Variants in IL12RB2 observed in about 807,000 individuals in gnomAD.
IL12RB2 encodes interleukin 12 receptor subunit beta 2, also known as interleukin-12 receptor subunit beta-2.
In IL12RB2, 82 loss-of-function variants were observed where a neutral mutation model predicts 89.4. That is an observed-to-expected ratio of 0.92 (90% CI 0.77 to 1.10). The LOEUF (loss-of-function observed/expected upper bound fraction) is 1.10. Ranked by LOEUF, IL12RB2 falls within the 50% of genes least tolerant of loss-of-function variation. The pLI, the probability that IL12RB2 is intolerant of heterozygous loss-of-function variation, is 0.00. For synonymous variants in IL12RB2, 368 were observed against 370.1 expected, an observed-to-expected ratio of 0.99 and a Z score of 0.07; for missense variants, 963 against 1,031.9, an observed-to-expected ratio of 0.93 and a Z score of 0.92.
intron 9 of IL12RB2, among the ~76,000 whole-genome samples, chr1:67,340,097 C>T (rs1047063946): frequency 6.6e-6 from 1 of 152,130 alleles, no homozygotes; most frequent in African/African-American, 2.4e-5. Flanking sequence ...GATCATTGCA[C>T]ACTTCTTCAG....
intron 14 of IL12RB2, among the ~76,000 whole-genome samples, chr1:67,385,355 C>T (rs1243531509): frequency 6.6e-6 from 1 of 152,144 alleles, no homozygotes; most frequent in Non-Finnish European, 1.5e-5. Flanking sequence ...GTGAGAACTC[C>T]CTCATAGCAT....
chr1:67,333,979 G>A (rs1184089361), intron 8 of IL12RB2, among the ~76,000 whole-genome samples: 1 of 152,172 alleles, frequency 6.6e-6, no homozygotes, highest in African/African-American at 2.4e-5. Context: ...CTCTATTACA[G>A]CTAACAAAGG....
At chr1:67,362,482 C>G (rs529867365) in intron 10 of IL12RB2, among the ~76,000 whole-genome samples, 3 of 145,430 alleles carry the variant, frequency 2.1e-5, no homozygotes, top group Non-Finnish European at 4.5e-5. Context: ...AGGAGAATGG[C>G]GTGAACCCGG....
chr1:67,314,232 G>A lies in IL12RB2; in HGVS notation c.-37+232G>A, dbSNP rs17129751. 7.2e-3 allele frequency among the ~76,000 whole-genome samples: 1,093 copies of A among 152,218 alleles called. 12 individuals carry two copies. The highest frequency in any genetic ancestry group is 0.025 in the African/African-American group (1,027 of 41,536). ...GCTCCTTCCTCCCCTGACTTTTTAAGTTCTTTGATGGTCTTAGGAATTAAG... is the reference window on the plus strand; with the variant it reads ...GCTCCTTCCTCCCCTGACTTTTTAAATTCTTTGATGGTCTTAGGAATTAAG... On this transcript the variant is annotated intron_variant, in intron 2 of 16. Coordinates refer to ENST00000674203, the MANE Select transcript of IL12RB2 (RefSeq NM_001374259.2).
At chr1:67,347,319 T>C (rs1449983659) in intron 9 of IL12RB2, among the ~76,000 whole-genome samples, 2 of 152,096 alleles carry the variant, frequency 1.3e-5, no homozygotes, top group Non-Finnish European at 2.9e-5. Context: ...TTTTTCTTTA[T>C]TATTTGCATC....
At chr1:67,333,379 T>C (rs1360696053) in intron 8 of IL12RB2, among the ~76,000 whole-genome samples, 1 of 150,968 alleles carries the variant, frequency 6.6e-6, no homozygotes, top group East Asian at 1.9e-4. Context: ...TAAAAAAAAT[T>C]AATAGTAAGC....
At chr1:67,392,726 G>T (rs1207012377) in intron 16 of IL12RB2, among the ~76,000 whole-genome samples, 2 of 144,790 alleles carry the variant, frequency 1.4e-5, no homozygotes, top group Non-Finnish European at 3.0e-5. Flanking sequence ...CGCCTCCTGG[G>T]TTCACACCAT....
At chr1:67,384,007 G>A (rs972371234) in intron 14 of IL12RB2, among the ~76,000 whole-genome samples, 5 of 152,206 alleles carry the variant, frequency 3.3e-5, no homozygotes, top group African/African-American at 9.7e-5. Flanking sequence ...GCTTTTCCAG[G>A]TGCATGGTGC....
intron 2 of IL12RB2, among the ~76,000 whole-genome samples, chr1:67,315,647 GA>G (rs1655666429): frequency 6.6e-6 from 1 of 152,122 alleles, no homozygotes; most frequent in South Asian, 2.1e-4. Flanking sequence ...TGGGAGACAT[GA>G]AAAAATGAAG....
chr1:67,346,373 TGTC>T (rs1660225151), intron 9 of IL12RB2, among the ~76,000 whole-genome samples: 2 of 125,612 alleles, frequency 1.6e-5, no homozygotes, highest in African/African-American at 6.2e-5. Flanking sequence ...AGGTGAGGGT[TGTC>T]TATTTTTTTT....
At position 67,372,500 on chromosome 1, in the gene IL12RB2, A is replaced by C; in HGVS notation, c.1524A>C (p.Gly508=). 2 of 1,604,810 alleles carry C rather than the reference A, an allele frequency of 1.2e-6. No homozygotes were observed. The highest frequency in any genetic ancestry group is 1.7e-6 in the Non-Finnish European group (2 of 1,171,430). The part of the protein sequence containing the change: ...RVYALSGDQG[G]CSSILGNSKH... ...ATGCACTCTCAGGGGATCAAGGAGG[A>C]TGCAGCTCCATCCTGGGTAACTCTA... Residue 508 remains glycine, a synonymous_variant, in exon 12 of 17, where the codon GGA becomes GGC. Coordinates refer to ENST00000674203, the MANE Select transcript of IL12RB2 (RefSeq NM_001374259.2).
intron 10 of IL12RB2, among the ~76,000 whole-genome samples, chr1:67,359,598 C>T (rs535119612): frequency 2.0e-5 from 3 of 152,016 alleles, no homozygotes; most frequent in African/African-American, 7.2e-5. Flanking sequence ...GGCATATGCC[C>T]TTAATCTCAG....
chr1:67,371,220 G>A (rs1242060802), intron 11 of IL12RB2, among the ~76,000 whole-genome samples: 1 of 152,092 alleles, frequency 6.6e-6, no homozygotes, highest in Non-Finnish European at 1.5e-5. Context: ...TCTCCACTTC[G>A]CTTAGTTCAT....
chr1:67,320,043 T>C (rs984297571), intron 2 of IL12RB2, among the ~76,000 whole-genome samples: 1 of 152,160 alleles, frequency 6.6e-6, no homozygotes, highest in South Asian at 2.1e-4. Flanking sequence ...TTCTGATGTT[T>C]ATTACCTACC....
At chr1:67,362,589 A>AG (rs1266086876) in intron 10 of IL12RB2, among the ~76,000 whole-genome samples, 2 of 149,146 alleles carry the variant, frequency 1.3e-5, no homozygotes, top group Admixed American at 6.7e-5. Context: ...AAAAAAAAAA[A>AG]AAAGAAAAAG....
intron 16 of IL12RB2, among the ~76,000 whole-genome samples, chr1:67,394,480 A>G (rs539971446): frequency 6.6e-6 from 1 of 152,290 alleles, no homozygotes; most frequent in African/African-American, 2.4e-5. Context: ...AATAAGTGAG[A>G]GAATTAATTA....
At chr1:67,382,664 T>C (rs76330935) in intron 14 of IL12RB2, among the ~76,000 whole-genome samples, 4 of 151,842 alleles carry the variant, frequency 2.6e-5, no homozygotes, top group Non-Finnish European at 5.9e-5. Context: ...CTTCCTTTGT[T>C]AGCTTATCCA....
At chr1:67,338,958 C>T (rs1173680899) in intron 9 of IL12RB2, among the ~76,000 whole-genome samples, 1 of 152,116 alleles carries the variant, frequency 6.6e-6, no homozygotes, top group African/African-American at 2.4e-5. Flanking sequence ...GCATTTCCAC[C>T]CTCTGACCCC....
intron 4 of IL12RB2, among the ~76,000 whole-genome samples, 194 bp from the exon 5 acceptor site, chr1:67,326,541 A>G (rs1657308834): frequency 6.6e-6 from 1 of 152,226 alleles, no homozygotes; most frequent in Admixed American, 6.5e-5. Context: ...CATATTCACT[A>G]CTATTATTAC....
Sources: gnomAD v4.1 joint callset for allele counts (sites outside exome capture counted in the v4.1 genomes callset) on GRCh38, gnomAD v4.1.1 for gene constraint, MANE v1.5 for transcripts, NCBI Gene and HGNC (gene_info 2026-07-23, HGNC 2026-07-21) for gene names.